Variants in MEGF6 observed in about 807,000 individuals in gnomAD.
The protein encoded by MEGF6 is multiple epidermal growth factor-like domains protein 6.
Under a neutral mutation model 207.1 loss-of-function variants are expected in MEGF6, and 184 were observed. That is an observed-to-expected ratio of 0.89 (90% CI 0.79 to 1.00). The LOEUF (loss-of-function observed/expected upper bound fraction) is 1.00. Ranked by LOEUF, MEGF6 falls within the 50% of genes least tolerant of loss-of-function variation. The pLI is 0.00. For missense variants in MEGF6, 2,282 were observed against 2,202.9 expected (o/e 1.04, Z -0.72); for synonymous variants, 1,038 against 910.0 (o/e 1.14, Z -2.53).
At chr1:3,589,337 G>A (rs10909978) in intron 3 of MEGF6, among the ~76,000 whole-genome samples, 35,138 of 152,002 alleles carry the variant, frequency 0.23, 4,412 homozygotes, top group African/African-American at 0.32. Context: ...GTGGTCCCTC[G>A]CTGCAGCAGC....
chr1:3,489,429 G>A lies in MEGF6; in HGVS notation c.*1099C>T, dbSNP rs187360580. ...CCATTGGCCACCCCACTCTGCAGAG[G>A]AGCCCCCAGCCACCACCTCTACCCT... On this transcript the variant is annotated 3_prime_UTR_variant, in exon 37 of 37. Coordinates refer to ENST00000356575, the MANE Select transcript of MEGF6 (RefSeq NM_001409.4). Among the ~76,000 whole-genome samples, 93 of 152,312 alleles carry A rather than the reference G, an allele frequency of 6.1e-4. No individual in the cohort carries two copies. Among genetic ancestry groups the A allele is most frequent in the African/African-American group, 1.9e-3 (78 of 41,572 alleles).
rs1640899883 is a variant in MEGF6, at chr1:3,502,013, CTGTG to C, written c.2189-96_2189-93del. Reference sequence around the variant, plus strand: ...CAGGGGCTCCTGGTGAGTGTGCCCCCTGTGCCTCACATGGGCTCCTGGCGAGTGT... The same window carrying C: ...CAGGGGCTCCTGGTGAGTGTGCCCCCCCTCACATGGGCTCCTGGCGAGTGT... On this transcript the variant is annotated intron_variant, in intron 17 of 36. Transcript: ENST00000356575. The C allele has an allele frequency of 5.2e-6, 8 of 1,530,758 alleles. No homozygotes were observed. The African/African-American group carries it at 7.0e-5, about 13-fold the overall frequency. 94.8% of individuals were successfully genotyped at this position (1,530,758 alleles called of 1,614,324 possible). A position where few individuals can be genotyped will look rare whatever the true frequency, so the allele number is the denominator to read the frequency against.
rs981176208 is a variant in MEGF6 at position 3,601,706 on chromosome 1, T to C, written c.266+760A>G. Among the ~76,000 whole-genome samples, 3 of 152,230 alleles carry C rather than the reference T, an allele frequency of 2.0e-5. No homozygotes were observed. In the East Asian group the frequency reaches 5.8e-4, roughly 29 times the overall value. On this transcript the variant is annotated intron_variant, in intron 2 of 36. Transcript: ENST00000356575. The stretch of plus-strand genomic sequence containing the variant: ...ACCACCATTATTGCTTAACGGTTTT[T>C]TTCTCCTCTACTCTGAACACATCTG...
intron 4 of MEGF6, among the ~76,000 whole-genome samples, chr1:3,528,471 C>T (rs1642039870): frequency 6.6e-6 from 1 of 152,172 alleles, no homozygotes; most frequent in Admixed American, 6.5e-5. Context: ...ACGAATGTCC[C>T]CCAGACATGT....
At position 3,498,253 on chromosome 1, in the gene MEGF6, GACA is replaced by G. The variant is rs544663315; in HGVS notation, c.3352+115_3352+117del. ...CCGACGGCAGCTCTTGCATTCACAG[GACA>G]ACAGGTCCCCTGGTGAGGCCCCAAA... On this transcript the variant is annotated intron_variant, in intron 26 of 36. Coordinates refer to ENST00000356575, the MANE Select transcript of MEGF6 (RefSeq NM_001409.4). 8.5e-3 allele frequency: 11,144 copies of G among 1,306,482 alleles called. 68 individuals are homozygous for G. Among genetic ancestry groups the G allele is most frequent in the Non-Finnish European group, 9.2e-3 (8,983 of 978,440 alleles). The allele number at this position is 1,306,482 out of a possible 1,614,324, so 80.9% of individuals were successfully genotyped here. A position where few individuals can be genotyped will look rare whatever the true frequency, so the allele number is the denominator to read the frequency against.
chr1:3,567,700 C>G (rs1643386561), intron 4 of MEGF6, among the ~76,000 whole-genome samples: 1 of 152,212 alleles, frequency 6.6e-6, no homozygotes, highest in Non-Finnish European at 1.5e-5. Flanking sequence ...GAGCGTCACC[C>G]TGCAGGCCGG....
intron 26 of MEGF6, among the ~76,000 whole-genome samples, 167 bp downstream of exon 26, chr1:3,498,204 C>T (rs1298064933): frequency 2.6e-5 from 4 of 152,190 alleles, no homozygotes; most frequent in African/African-American, 7.2e-5. Flanking sequence ...TAGGCTGAGA[C>T]CCTCCCAACA....
chr1:3,499,372 A>G (rs1024462962), intron 23 of MEGF6, 106 bp from the exon 24 acceptor site: 4 of 1,450,614 alleles, frequency 2.8e-6, no homozygotes, highest in East Asian at 5.0e-5. Flanking sequence ...CTCGGCTGCT[A>G]TGGCCAACTC....
At chr1:3,617,396 C>T in the MEGF6 span, among the ~76,000 whole-genome samples, 3 of 151,986 alleles carry the variant, frequency 2.0e-5, no homozygotes, top group African/African-American at 7.3e-5. Flanking sequence ...GGGTGTCTGC[C>T]CCATGTTCTC....
chr1:3,542,809 G>C (rs571170539), intron 4 of MEGF6, among the ~76,000 whole-genome samples: 5 of 152,314 alleles, frequency 3.3e-5, no homozygotes, highest in African/African-American at 9.6e-5. Context: ...GACACCAACG[G>C]CTGGTTCTGT....
intron 6 of MEGF6, 123 bp from the exon 7 acceptor site, chr1:3,514,795 G>T: frequency 8.7e-7 from 1 of 1,154,686 alleles, no homozygotes; most frequent in Non-Finnish European, 1.2e-6. Context: ...GCTCCAGGCT[G>T]ATGGGCTGGG....
In MEGF6 at chr1:3,560,685, C is replaced by T. The variant is rs1372483480; in HGVS notation, c.481+19140G>A. ...GAGGCTGGGTGCCATCAACCCCTCC[C>T]CATCTGTGGTTTCCAGGGCAACCCT... On this transcript the variant is annotated intron_variant, in intron 4 of 36. Transcript: ENST00000356575. The surrounding 1 kb of genome is among the most constrained non-coding windows in gnomAD (Gnocchi z 4.0). 5 of 453,920 alleles carry T rather than the reference C, an allele frequency of 1.1e-5. No individual in the cohort carries two copies. Among genetic ancestry groups the T allele is most frequent in the African/African-American group, 1.0e-4 (5 of 49,154 alleles). The allele number at this position is 453,920 out of a possible 1,614,324, so 28.1% of individuals were successfully genotyped here.
At chr1:3,493,597 C>T (rs950366929) in intron 34 of MEGF6, 174 bp downstream of exon 34, 24 of 857,906 alleles carry the variant, frequency 2.8e-5, no homozygotes, top group South Asian at 1.8e-4. Flanking sequence ...TGCTTGGTAC[C>T]GCATGTCCCA....
intron 4 of MEGF6, among the ~76,000 whole-genome samples, chr1:3,559,782 C>T (rs1267693598): frequency 5.9e-5 from 9 of 152,080 alleles, no homozygotes; most frequent in Non-Finnish European, 7.4e-5. Context: ...GAGGCCGAGG[C>T]GGGCAAATCA....
chr1:3,531,796 G>A (rs28447582), intron 4 of MEGF6, among the ~76,000 whole-genome samples: 65,568 of 151,540 alleles, frequency 0.43, 14,537 homozygotes, highest in South Asian at 0.55. Flanking sequence ...AAAGGGAGCC[G>A]TCCTGGCCGG....
At chr1:3,526,045 C>A (rs1641949440) in intron 4 of MEGF6, among the ~76,000 whole-genome samples, 1 of 152,342 alleles carries the variant, frequency 6.6e-6, no homozygotes, top group South Asian at 2.1e-4. Flanking sequence ...CACACAGGGG[C>A]TCTCAGAGGA....
At chr1:3,587,176 A>T (rs1014784669) in intron 3 of MEGF6, among the ~76,000 whole-genome samples, 4 of 152,256 alleles carry the variant, frequency 2.6e-5, no homozygotes, top group Admixed American at 6.5e-5. Context: ...TAAAGATTGC[A>T]TGCAACACAA....
intron 4 of MEGF6, among the ~76,000 whole-genome samples, chr1:3,563,126 C>T (rs140027435): frequency 1.3e-5 from 2 of 152,178 alleles, no homozygotes; most frequent in Admixed American, 6.5e-5. Flanking sequence ...GCCCCTGCCC[C>T]CTGTGTGCAA....
Position 3,611,371 on chromosome 1 carries a change from C to A in MEGF6, c.-103G>T, listed in dbSNP as rs1273802765. On this transcript the variant is annotated 5_prime_UTR_variant, in exon 1 of 37. Coordinates refer to ENST00000356575, the MANE Select transcript of MEGF6 (RefSeq NM_001409.4). ...CGCCATAGGACGCAGCCACAGGTGC[C>A]CGCGCCCGCTCCGCGGAGCCCAAGG... is the stretch of plus-strand genomic sequence containing the variant. The A allele has an allele frequency of 1.5e-6, 2 of 1,325,992 alleles. No homozygotes were observed. Among genetic ancestry groups the A allele is most frequent in the Non-Finnish European group, 1.9e-6 (2 of 1,038,488 alleles). The allele number at this position is 1,325,992 out of a possible 1,614,324, so 82.1% of individuals were successfully genotyped here.
Sources: gnomAD v4.1 joint callset for allele counts (sites outside exome capture counted in the v4.1 genomes callset) on GRCh38, gnomAD v4.1.1 for gene constraint, Gnocchi (gnomAD v3.1) non-coding constraint, MANE v1.5 for transcripts, NCBI Gene and HGNC (gene_info 2026-07-23, HGNC 2026-07-21) for gene names.